Variants in CDH3 observed in about 807,000 individuals in gnomAD.
CDH3 encodes the protein cadherin 3.
A neutral mutation model predicts 82.0 loss-of-function variants in CDH3; 54 were observed. That is an observed-to-expected ratio of 0.66 (90% confidence interval 0.53 to 0.83). The LOEUF is 0.83. CDH3 is among the 40% of genes least tolerant of loss of function. CDH3 has a pLI of 0.00. For missense variants in CDH3, 1,054 were observed against 1,084.6 expected, an observed-to-expected ratio of 0.97 and a Z score of 0.40; for synonymous variants, 446 against 437.9, an observed-to-expected ratio of 1.02 and a Z score of -0.23.
At chr16:68,701,371 T>A (rs546919469), downstream of CDH3, among the ~76,000 whole-genome samples, 13 of 152,236 alleles carry the variant, frequency 8.5e-5, no homozygotes, top group South Asian at 2.5e-3. Flanking sequence ...GTGCCTGTAA[T>A]AAGTAAAAAC....
chr16:68,664,011 T>G (rs935219672), intron 2 of CDH3, among the ~76,000 whole-genome samples: 3 of 139,254 alleles, frequency 2.2e-5, no homozygotes, highest in African/African-American at 8.0e-5. Context: ...GAGGTAGATA[T>G]TAGCATTATT....
chr16:68,704,742 C>T (rs527423302), downstream of CDH3, among the ~76,000 whole-genome samples: 12 of 152,112 alleles, frequency 7.9e-5, no homozygotes, highest in East Asian at 1.2e-3. Context: ...GGGAGAGTTT[C>T]GATGGTTCCC....
At position 68,659,976 on chromosome 16, in the gene CDH3, G is replaced by A. The variant is rs959931953; in HGVS notation, c.160+14226G>A. On this transcript the variant is annotated intron_variant, in intron 2 of 15. Coordinates refer to ENST00000264012, the MANE Select transcript of CDH3 (RefSeq NM_001793.6). ...CATCTATCTTGTTTTTAATAGCGCC[G>A]TAGTCTTTTACATGGTGAATGTACC... Among the ~76,000 whole-genome samples the A allele has an allele frequency of 1.8e-4, 28 of 152,154 alleles. 1 individual carries two copies. The highest frequency in any genetic ancestry group is 5.2e-4 in the Admixed American group (8 of 15,272).
At chr16:68,703,231 T>A (rs1157982664), downstream of CDH3, among the ~76,000 whole-genome samples, 2 of 152,150 alleles carry the variant, frequency 1.3e-5, no homozygotes, top group East Asian at 3.9e-4. Context: ...GAGGGTGGCA[T>A]GCTCTCATTC....
intron 1 of CDH3, among the ~76,000 whole-genome samples, chr16:68,718,708 C>T (rs966820402): frequency 6.6e-6 from 1 of 151,990 alleles, no homozygotes; most frequent in African/African-American, 2.4e-5. Context: ...AAAAGGAAAA[C>T]AGTTTGGCAA....
chr16:68,729,692 C>T (rs1030666628), downstream of CDH3, among the ~76,000 whole-genome samples: 4 of 152,058 alleles, frequency 2.6e-5, no homozygotes, highest in African/African-American at 7.2e-5. Flanking sequence ...AGTGCAGTGG[C>T]GTGATCTCGG....
chr16:68,655,500 A>G (rs973193310), intron 2 of CDH3, among the ~76,000 whole-genome samples: 2 of 152,198 alleles, frequency 1.3e-5, no homozygotes, highest in Admixed American at 1.3e-4. Flanking sequence ...AGGGCCACTT[A>G]TCTGCTAGTA....
At chr16:68,648,643 G>A (rs932618470) in intron 2 of CDH3, among the ~76,000 whole-genome samples, 1 of 152,030 alleles carries the variant, frequency 6.6e-6, no homozygotes, top group South Asian at 2.1e-4. Context: ...TAGAGACGGG[G>A]TCTCACTATG....
chr16:68,658,334 A>G (rs991074500), intron 2 of CDH3, among the ~76,000 whole-genome samples: 6 of 152,170 alleles, frequency 3.9e-5, no homozygotes, highest in African/African-American at 1.4e-4. Flanking sequence ...AGCACAGGCA[A>G]GGGAAAAATG....
downstream of CDH3, among the ~76,000 whole-genome samples, chr16:68,728,359 G>A (rs1341717978): frequency 6.6e-6 from 1 of 152,060 alleles, no homozygotes; most frequent in Non-Finnish European, 1.5e-5. Flanking sequence ...TAGAGAAGGG[G>A]TTTCACCGTG....
At chr16:68,676,064 T>A (rs1053318797) in intron 2 of CDH3, among the ~76,000 whole-genome samples, 3 of 152,130 alleles carry the variant, frequency 2.0e-5, no homozygotes, top group African/African-American at 7.2e-5. Flanking sequence ...ATGACCTTAG[T>A]CAACCCCATG....
downstream of CDH3, among the ~76,000 whole-genome samples, chr16:68,701,074 A>C (rs1313842204): frequency 1.3e-5 from 2 of 152,146 alleles, no homozygotes; most frequent in African/African-American, 4.8e-5. Flanking sequence ...AAGCCTGGAT[A>C]AATCAGAAAC....
intron 2 of CDH3, among the ~76,000 whole-genome samples, chr16:68,675,551 C>A (rs528551802): frequency 2.2e-4 from 34 of 152,180 alleles, no homozygotes; most frequent in Middle Eastern, 6.8e-3. Context: ...AATCCCAGCA[C>A]TTTGGGAGAC....
chr16:68,725,065 G>C (rs1429449118), intron 2 of CDH3, among the ~76,000 whole-genome samples: 1 of 152,142 alleles, frequency 6.6e-6, no homozygotes. Context: ...GGCCTCCACA[G>C]TTATGAACTG....
chr16:68,673,436 C>T (rs143745223), intron 2 of CDH3, among the ~76,000 whole-genome samples: 39 of 151,664 alleles, frequency 2.6e-4, no homozygotes, highest in African/African-American at 4.1e-4. Flanking sequence ...GTAGTAGTTC[C>T]CCTCCCCTCT....
chr16:68,666,337 A>C (rs1247889565), intron 2 of CDH3, among the ~76,000 whole-genome samples: 2 of 152,090 alleles, frequency 1.3e-5, no homozygotes. Context: ...CTCTGCTTAC[A>C]GCTCTGGGGA....
chr16:68,678,935 G>C (rs755378442), intron 6 of CDH3, 29 bp downstream of exon 6: 2 of 1,611,170 alleles, frequency 1.2e-6, no homozygotes, highest in African/African-American at 1.3e-5. Flanking sequence ...GGACTGCTAC[G>C]GGGCTGGGCC....
intron 2 of CDH3, among the ~76,000 whole-genome samples, chr16:68,652,324 C>T (rs1395864458): frequency 6.6e-6 from 1 of 152,134 alleles, no homozygotes; most frequent in African/African-American, 2.4e-5. Flanking sequence ...AGGTCTCAAA[C>T]CTCTAGTCTC....
At position 68,707,128 on chromosome 16, in the gene CDH3, A is replaced by G. The variant is rs907602719; in HGVS notation, c.99+11205A>G. Among the ~76,000 whole-genome samples the G allele has an allele frequency of 3.3e-5, 5 of 152,182 alleles. No individual in the cohort carries two copies. Among genetic ancestry groups the G allele is most frequent in the African/African-American group, 1.2e-4 (5 of 41,438 alleles). On this transcript the variant is annotated intron_variant, in intron 1 of 2. Transcript: ENST00000569080. The surrounding 1 kb of genome is among the most constrained non-coding windows in gnomAD (Gnocchi z 4.5). ...AAAGACTGGAGGCTATCAGGGAGCA[A>G]GTATGCAGTGTCCTGTCTACATAAA...
Sources: gnomAD v4.1 joint callset for allele counts (sites outside exome capture counted in the v4.1 genomes callset) on GRCh38, gnomAD v4.1.1 for gene constraint, Gnocchi (gnomAD v3.1) non-coding constraint, MANE v1.5 for transcripts, NCBI Gene and HGNC (gene_info 2026-07-23, HGNC 2026-07-21) for gene names.